Variants in ICA1L observed in about 807,000 individuals in gnomAD.
ICA1L encodes islet cell autoantigen 1 like.
ICA1L carries 50 observed loss-of-function variants against 61.3 expected under a neutral mutation model. The observed-to-expected ratio is 0.82, with a 90% CI of 0.65 to 1.03. ICA1L has a LOEUF of 1.03. Ranked by LOEUF, ICA1L falls within the 50% of genes least tolerant of loss-of-function variation. The pLI, the probability that ICA1L is intolerant of heterozygous loss-of-function variation, is 0.00. For synonymous variants in ICA1L, 161 were observed against 191.3 expected (o/e 0.84, Z 1.31); for missense variants, 508 against 556.7 (o/e 0.91, Z 0.88).
chr2:202,845,672 T>A (rs1694446549), intron 1 of ICA1L, among the ~76,000 whole-genome samples: 1 of 151,576 alleles, frequency 6.6e-6, no homozygotes, highest in Non-Finnish European at 1.5e-5. Context: ...CACTATACAG[T>A]ATTTAAATTT....
At position 202,809,673 on chromosome 2, in the gene ICA1L, C is replaced by T. The variant is rs971231069; in HGVS notation, c.910+2073G>A. Among the ~76,000 whole-genome samples the T allele has an allele frequency of 2.0e-5, 3 of 151,522 alleles. No individual in the cohort carries two copies. The East Asian group carries it at 5.8e-4, about 29-fold the overall frequency. ...CTCAAAAAAAAAAAAATTAGCTGGG[C>T]GTGGTGGCAGACGCCTGAGGCAGGA... On this transcript the variant is annotated intron_variant, in intron 9 of 12. Coordinates refer to ENST00000358299, the MANE Select transcript of ICA1L (RefSeq NM_001288622.3).
Position 202,777,797 on chromosome 2 carries a change from C to T in ICA1L, c.*1736G>A, listed in dbSNP as rs1328351429. 1 of 151,644 alleles carries T rather than the reference C, an allele frequency of 6.6e-6. No individual in the cohort carries two copies. Among genetic ancestry groups the T allele is most frequent in the African/African-American group, 2.4e-5 (1 of 41,228 alleles). 9.4% of individuals were successfully genotyped at this position (151,644 alleles called of 1,614,324 possible). On this transcript the variant is annotated 3_prime_UTR_variant, in exon 13 of 13. Transcript: ENST00000358299. ...TATGTACCATGACAAACATTACAAG[C>T]AATCCTTTTCTAAATAAGCCTGTTT...
chr2:202,871,525 T>A (rs1388677448), intron 1 of ICA1L, 94 bp downstream of exon 1: 1 of 151,876 alleles, frequency 6.6e-6, no homozygotes, highest in African/African-American at 2.4e-5. Flanking sequence ...CGCCCCCGCC[T>A]CCCGGCGTCG....
chr2:202,791,506 C>T (rs1409981244), intron 10 of ICA1L, among the ~76,000 whole-genome samples: 1 of 152,198 alleles, frequency 6.6e-6, no homozygotes, highest in Non-Finnish European at 1.5e-5. Context: ...AAAAGAGTCT[C>T]AACACCATCA....
chr2:202,808,830 G>A (rs1468659200), intron 9 of ICA1L, among the ~76,000 whole-genome samples: 1 of 152,184 alleles, frequency 6.6e-6, no homozygotes, highest in Non-Finnish European at 1.5e-5. Flanking sequence ...GGGTGCCCCT[G>A]CCAATGCAGA....
chr2:202,785,911 A>G lies in ICA1L; in HGVS notation c.1333+7T>C. 1.4e-6 allele frequency: 2 copies of G among 1,448,882 alleles called. No individual in the cohort carries two copies. Among genetic ancestry groups the G allele is most frequent in the South Asian group, 2.4e-5 (2 of 82,462 alleles). The allele number at this position is 1,448,882 out of a possible 1,614,324, so 89.8% of individuals were successfully genotyped here. On this transcript the variant is annotated splice_region_variant and intron_variant, in intron 12 of 12. Coordinates refer to ENST00000358299, the MANE Select transcript of ICA1L (RefSeq NM_001288622.3). ...AATGATAAAGAATATATAAATAAAT[A>G]ACTTACATCTTGTTAATTTCTTTGG...
chr2:202,848,451 A>G (rs190476851), intron 1 of ICA1L, among the ~76,000 whole-genome samples: 85 of 152,326 alleles, frequency 5.6e-4, no homozygotes, highest in Admixed American at 9.2e-4. Flanking sequence ...AACCAAGAAC[A>G]TGTCCCAGCT....
In ICA1L at chr2:202,852,446, G is replaced by A. The variant is rs901143707; in HGVS notation, c.-8+19173C>T. On this transcript the variant is annotated intron_variant, in intron 1 of 12. Transcript: ENST00000358299. ...AGCACTTTGGGAGGCTGAGGCGGGC[G>A]GATCACAAGGTCAGGAGATCGAGAC... is the stretch of plus-strand genomic sequence containing the variant. Among the ~76,000 whole-genome samples, 9 of 151,812 alleles carry A rather than the reference G, an allele frequency of 5.9e-5. No homozygotes were observed. In the East Asian group the frequency reaches 1.6e-3, roughly 26 times the overall value.
At chr2:202,792,526 C>T (rs754973419) in intron 10 of ICA1L, among the ~76,000 whole-genome samples, 8 of 152,060 alleles carry the variant, frequency 5.3e-5, no homozygotes, top group South Asian at 2.1e-4. Context: ...ATAAACTGGC[C>T]GGGTGCAGTG....
intron 6 of ICA1L, 131 bp from the exon 7 acceptor site, chr2:202,816,140 C>T: frequency 1.8e-6 from 1 of 562,462 alleles, no homozygotes; most frequent in South Asian, 2.5e-5. Flanking sequence ...ATTCAATTTT[C>T]CAAGTTTAGG....
chr2:202,824,455 C>CA (rs954547989), intron 3 of ICA1L, among the ~76,000 whole-genome samples: 99 of 151,664 alleles, frequency 6.5e-4, no homozygotes, highest in African/African-American at 2.3e-3. Context: ...GGAAGAAAAA[C>CA]AATGGACAAA....
chr2:202,803,421 AAAGAG>A (rs1693143335), intron 9 of ICA1L, among the ~76,000 whole-genome samples: 1 of 151,290 alleles, frequency 6.6e-6, no homozygotes. Flanking sequence ...AAAAAAAAAA[AAAGAG>A]AACATGGGAA....
intron 10 of ICA1L, among the ~76,000 whole-genome samples, chr2:202,791,173 T>C (rs1421271221): frequency 6.6e-6 from 1 of 152,200 alleles, no homozygotes; most frequent in African/African-American, 2.4e-5. Context: ...AAGAACTGTT[T>C]CTTTAAATGA....
intron 3 of ICA1L, chr2:202,825,353 C>T (rs1428729340): frequency 1.4e-5 from 3 of 207,782 alleles, no homozygotes; most frequent in Non-Finnish European, 1.8e-5. Flanking sequence ...GCCTGTAATC[C>T]CAGCTACTTG....
intron 1 of ICA1L, among the ~76,000 whole-genome samples, chr2:202,865,076 T>G (rs1687451023): frequency 6.6e-6 from 1 of 151,734 alleles, no homozygotes; most frequent in Non-Finnish European, 1.5e-5. Flanking sequence ...GGCAGGAGAA[T>G]TGCTTGAATC....
At chr2:202,786,382 TAAA>T (rs35651579) in intron 11 of ICA1L, among the ~76,000 whole-genome samples, 1 of 150,040 alleles carries the variant, frequency 6.7e-6, no homozygotes, top group African/African-American at 2.5e-5. Flanking sequence ...CCGTCTCTAC[TAAA>T]AAAAATACAA....
chr2:202,855,652 C>G (rs1436240236), intron 1 of ICA1L, among the ~76,000 whole-genome samples: 1 of 152,048 alleles, frequency 6.6e-6, no homozygotes, highest in Non-Finnish European at 1.5e-5. Flanking sequence ...ATAACAAGTT[C>G]TGAAATTGAG....
At chr2:202,792,758 C>T (rs949026384) in intron 10 of ICA1L, among the ~76,000 whole-genome samples, 13 of 152,076 alleles carry the variant, frequency 8.5e-5, no homozygotes, top group African/African-American at 2.7e-4. Flanking sequence ...GGGCCAAGAT[C>T]GCGCCACTGC....
At position 202,776,801 on chromosome 2, in the gene ICA1L, G is replaced by GA. The variant is rs1692236435; in HGVS notation, c.*2731_*2732insT. 1 of 152,140 alleles carries GA rather than the reference G, an allele frequency of 6.6e-6. No homozygotes were observed. Among genetic ancestry groups the GA allele is most frequent in the Non-Finnish European group, 1.5e-5 (1 of 68,026 alleles). 9.4% of individuals were successfully genotyped at this position (152,140 alleles called of 1,614,324 possible). On this transcript the variant is annotated 3_prime_UTR_variant, in exon 13 of 13. Transcript: ENST00000358299. Reference sequence around the variant, plus strand: ...GAAAGAAGAAATGTTATAGAAACTAGTAACAGAATAATAAAAGTCCCTTGT... The same window carrying GA: ...GAAAGAAGAAATGTTATAGAAACTAGATAACAGAATAATAAAAGTCCCTTGT...
Sources: allele counts gnomAD v4.1 joint callset (sites outside exome capture counted in the v4.1 genomes callset), GRCh38; gene constraint gnomAD v4.1.1; transcripts MANE v1.5; gene names NCBI Gene and HGNC (gene_info 2026-07-23, HGNC 2026-07-21).